LHPP: variants seen among roughly 807,000 people sequenced by gnomAD.
The protein encoded by LHPP is hLHPP.
A neutral mutation model predicts 30.3 loss-of-function variants in LHPP; 24 were observed. The ratio of observed to expected loss-of-function variants is 0.79; its 90% CI spans 0.57 to 1.11. The LOEUF is 1.11. Among genes scored for constraint, LHPP ranks in the 50% most tolerant of loss-of-function variants. The pLI is 0.00. For synonymous variants in LHPP, 150 were observed against 157.1 expected (o/e 0.95, Z 0.34); for missense variants, 356 against 367.2 (o/e 0.97, Z 0.25).
At chr10:124,515,148 G>T (rs1954417263) in intron 5 of LHPP, among the ~76,000 whole-genome samples, 1 of 152,182 alleles carries the variant, frequency 6.6e-6, no homozygotes, top group Non-Finnish European at 1.5e-5. Flanking sequence ...CAGGCCGCTT[G>T]AAGTTGTGCC....
At chr10:124,577,811 G>T (rs921105447) in intron 6 of LHPP, among the ~76,000 whole-genome samples, 2 of 135,748 alleles carry the variant, frequency 1.5e-5, no homozygotes, top group African/African-American at 5.2e-5. Flanking sequence ...GGCAGCATTG[G>T]GACTTGAATC....
intron 6 of LHPP, among the ~76,000 whole-genome samples, chr10:124,584,087 C>T (rs1434148643): frequency 1.3e-5 from 2 of 152,040 alleles, no homozygotes; most frequent in Non-Finnish European, 2.9e-5. Context: ...GTGTCACATC[C>T]GTAGCCCAAT....
chr10:124,585,612 C>G (rs568422049), intron 6 of LHPP, among the ~76,000 whole-genome samples: 1 of 140,722 alleles, frequency 7.1e-6, no homozygotes, highest in Admixed American at 7.0e-5. Context: ...GAGACTCTAT[C>G]TCTAAAAAAA....
At chr10:124,600,559 A>T (rs79548464) in intron 6 of LHPP, among the ~76,000 whole-genome samples, 3,960 of 152,332 alleles carry the variant, frequency 0.026, 160 homozygotes, top group African/African-American at 0.089. Context: ...GGGTGCTGCA[A>T]CCTAGGTGCC....
At chr10:124,492,869 C>T (rs1953573948) in intron 3 of LHPP, among the ~76,000 whole-genome samples, 1 of 152,132 alleles carries the variant, frequency 6.6e-6, no homozygotes, top group African/African-American at 2.4e-5. Context: ...TGCTGTAATT[C>T]GTTAATGTTA....
chr10:124,495,135 T>TA (rs1480662641), intron 3 of LHPP, among the ~76,000 whole-genome samples: 7 of 152,160 alleles, frequency 4.6e-5, no homozygotes, highest in Admixed American at 4.6e-4. Flanking sequence ...GACATGAACT[T>TA]AGAGATTTCT....
At chr10:124,602,759 C>T (rs780929828) in intron 6 of LHPP, among the ~76,000 whole-genome samples, 9 of 152,152 alleles carry the variant, frequency 5.9e-5, no homozygotes, top group Admixed American at 1.3e-4. Flanking sequence ...TTCAGTTAGC[C>T]CAGCCCTGCC....
intron 1 of LHPP, among the ~76,000 whole-genome samples, chr10:124,467,910 A>G (rs2133811861): frequency 6.6e-6 from 1 of 152,194 alleles, no homozygotes; most frequent in Non-Finnish European, 1.5e-5. Context: ...GGGTTTCACC[A>G]TGTTGACCAG....
At chr10:124,568,491 T>C (rs1017399231) in intron 6 of LHPP, among the ~76,000 whole-genome samples, 6 of 152,230 alleles carry the variant, frequency 3.9e-5, no homozygotes, top group Non-Finnish European at 7.3e-5. Context: ...CGAGTCTGGC[T>C]GCTTTTGCTT....
At chr10:124,608,653 G>A (rs1293318275) in intron 6 of LHPP, among the ~76,000 whole-genome samples, 2 of 152,128 alleles carry the variant, frequency 1.3e-5, no homozygotes, top group Admixed American at 1.3e-4. Flanking sequence ...TACTGAGCTA[G>A]CCAGCCGTTC....
intron 6 of LHPP, among the ~76,000 whole-genome samples, chr10:124,608,405 C>T (rs562566419): frequency 8.4e-4 from 128 of 152,312 alleles, no homozygotes; most frequent in African/African-American, 3.0e-3. Flanking sequence ...TTAGCCACAA[C>T]AGCGCCCACA....
chr10:124,577,709 CATGCAT>C (rs994583226), intron 6 of LHPP, among the ~76,000 whole-genome samples: 2 of 152,260 alleles, frequency 1.3e-5, no homozygotes, highest in Non-Finnish European at 2.9e-5. Flanking sequence ...CATGCATGCA[CATGCAT>C]ATGTGTGCAC....
At chr10:124,507,589 T>G (rs368864227) in intron 5 of LHPP, among the ~76,000 whole-genome samples, 17 of 20,950 alleles carry the variant, frequency 8.1e-4, no homozygotes, top group African/African-American at 8.9e-4. Context: ...GGATAGGGAG[T>G]ATTTCAGGTG....
chr10:124,540,131 C>T (rs1955145324), intron 6 of LHPP, among the ~76,000 whole-genome samples: 2 of 152,308 alleles, frequency 1.3e-5, no homozygotes, highest in African/African-American at 4.8e-5. Flanking sequence ...TGCCCTGGCC[C>T]AGCCGTTCAT....
intron 6 of LHPP, chr10:124,546,318 C>A (rs571766474): frequency 6.5e-6 from 1 of 152,672 alleles, no homozygotes; most frequent in South Asian, 2.1e-4. Flanking sequence ...CTCTGGCGGG[C>A]CCTGGGTTGT....
intron 6 of LHPP, among the ~76,000 whole-genome samples, chr10:124,598,718 C>A (rs1174546109): frequency 6.6e-6 from 1 of 151,864 alleles, no homozygotes; most frequent in Non-Finnish European, 1.5e-5. Context: ...CATCTGTCTA[C>A]CCGTACACCT....
intron 6 of LHPP, among the ~76,000 whole-genome samples, chr10:124,562,340 A>T (rs958967874): frequency 1.3e-5 from 2 of 151,844 alleles, no homozygotes; most frequent in African/African-American, 4.8e-5. Flanking sequence ...TAAATAGAAG[A>T]TACAATGAAG....
intron 5 of LHPP, among the ~76,000 whole-genome samples, chr10:124,516,539 G>T (rs1229205369): frequency 6.6e-6 from 1 of 152,182 alleles, no homozygotes; most frequent in Non-Finnish European, 1.5e-5. Flanking sequence ...CTGCGTCTCA[G>T]AAGTCATTGT....
chr10:124,484,042 C>T, intron 1 of LHPP, 97 bp from the exon 2 acceptor site: 1 of 1,194,182 alleles, frequency 8.4e-7, no homozygotes, highest in Admixed American at 2.1e-5. Context: ...CTGCTCTGGG[C>T]TTTGCTGGAT....
Sources: allele counts gnomAD v4.1 joint callset (sites outside exome capture counted in the v4.1 genomes callset), GRCh38; gene constraint gnomAD v4.1.1; transcripts MANE v1.5; gene names NCBI Gene and HGNC (gene_info 2026-07-23, HGNC 2026-07-21).